Variants in NF1 observed in about 807,000 individuals in gnomAD.
NF1 encodes neurofibromin.
A neutral mutation model predicts 325.7 loss-of-function variants in NF1; 122 were observed. The ratio of observed to expected loss-of-function variants is 0.37; its 90% CI spans 0.32 to 0.44. The LOEUF (loss-of-function observed/expected upper bound fraction) is 0.44, where lower values mean the gene tolerates loss of function less well. NF1 is among the 20% of genes least tolerant of loss of function. The pLI, the probability that NF1 is intolerant of heterozygous loss-of-function variation, is 1.00. For synonymous variants in NF1, 1,091 were observed against 1,186.0 expected, an observed-to-expected ratio of 0.92 and a Z score of 1.65; for missense variants, 2,140 against 3,415.4, an observed-to-expected ratio of 0.63 and a Z score of 9.31.
At chr17:31,263,075 A>ATAGGTAGGTAGG (rs869183381) in intron 35 of NF1, among the ~76,000 whole-genome samples, 1 of 140,560 alleles carries the variant, frequency 7.1e-6, no homozygotes, top group African/African-American at 2.8e-5. Flanking sequence ...AGGTAGATAG[A>ATAGGTAGGTAGG]TAGGTAGGTA....
At chr17:31,095,963 A>T (rs1911665738) in intron 1 of NF1, among the ~76,000 whole-genome samples, 1 of 152,068 alleles carries the variant, frequency 6.6e-6, no homozygotes, top group Non-Finnish European at 1.5e-5. Flanking sequence ...CCATCGTCTC[A>T]TCCTGCCCCG....
At chr17:31,197,829 A>G (rs1272565572) in intron 8 of NF1, among the ~76,000 whole-genome samples, 2 of 152,190 alleles carry the variant, frequency 1.3e-5, no homozygotes, top group African/African-American at 4.8e-5. Flanking sequence ...CGGAATTTCT[A>G]GTATTATGCC....
In NF1 at chr17:31,376,540, A is replaced by G; in HGVS notation, c.*2385A>G. The G allele has an allele frequency of 4.3e-6, 1 of 232,864 alleles. No homozygotes were observed. Among genetic ancestry groups the G allele is most frequent in the East Asian group, 6.1e-5 (1 of 16,508 alleles). The allele number at this position is 232,864 out of a possible 1,614,324, so 14.4% of individuals were successfully genotyped here. A position where few individuals can be genotyped will look rare whatever the true frequency, so the allele number is the denominator to read the frequency against. On this transcript the variant is annotated 3_prime_UTR_variant, in exon 58 of 58. Transcript: ENST00000358273. ...AACTTCTGACTTTTGAGGAAAATCT[A>G]GCTTTCCAAGTAACTAAAATGTACA...
At chr17:31,124,236 A>ATT (rs949319481) in intron 1 of NF1, among the ~76,000 whole-genome samples, 1 of 150,198 alleles carries the variant, frequency 6.7e-6, no homozygotes, top group Non-Finnish European at 1.5e-5. Context: ...TTTATTTTTA[A>ATT]TTTTTTTTTG....
In NF1 at chr17:31,242,305, C is replaced by CTTTTTTTTTTTTT. The variant is rs200376987; in HGVS notation, c.3974+6299_3974+6311dup. Among the ~76,000 whole-genome samples the CTTTTTTTTTTTTT allele has an allele frequency of 5.8e-5, 4 of 68,850 alleles. 1 individual carries two copies. Among genetic ancestry groups the CTTTTTTTTTTTTT allele is most frequent in the African/African-American group, 2.5e-4 (4 of 15,986 alleles). The allele number at this position is 68,850 out of a possible 152,430, so 45.2% of individuals were successfully genotyped here. A position where few individuals can be genotyped will look rare whatever the true frequency, so the allele number is the denominator to read the frequency against. On this transcript the variant is annotated intron_variant, in intron 29 of 57. Coordinates refer to ENST00000358273, the MANE Select transcript of NF1 (RefSeq NM_001042492.3). ...TCTTTCCCTAGGTTTCATAAGTTCT[C>CTTTTTTTTTTTTT]TTTTTTTTTTTTTTTTTTTTTTTTT...
intron 8 of NF1, among the ~76,000 whole-genome samples, chr17:31,192,775 C>G (rs780888042): frequency 3.3e-5 from 5 of 152,076 alleles, no homozygotes; most frequent in Non-Finnish European, 7.4e-5. Flanking sequence ...TTCCTTGTCT[C>G]ATAATGTTAT....
At chr17:31,337,064 A>G (rs2069695757) in intron 42 of NF1, 150 bp downstream of exon 42, 1 of 822,434 alleles carries the variant, frequency 1.2e-6, no homozygotes, top group African/African-American at 1.7e-5. Context: ...TACCAAAAAG[A>G]AAATAAATTA....
At chr17:31,341,480 G>A (rs2069818717) in intron 47 of NF1, among the ~76,000 whole-genome samples, 1 of 151,944 alleles carries the variant, frequency 6.6e-6, no homozygotes, top group African/African-American at 2.4e-5. Context: ...CTGAGATCAC[G>A]CCACTGCACT....
intron 12 of NF1, among the ~76,000 whole-genome samples, chr17:31,208,575 GC>G (rs1294207666): frequency 3.3e-5 from 5 of 151,952 alleles, no homozygotes; most frequent in South Asian, 2.1e-4. Flanking sequence ...AAGGTTTATA[GC>G]TTTTGCTTGA....
chr17:31,182,076 A>G (rs1329870385), intron 7 of NF1, among the ~76,000 whole-genome samples: 1 of 152,138 alleles, frequency 6.6e-6, no homozygotes, highest in Non-Finnish European at 1.5e-5. Context: ...TGTGCTCTGA[A>G]GCTTTATTTT....
chr17:31,108,200 A>G (rs1005543748), intron 1 of NF1, among the ~76,000 whole-genome samples: 1 of 150,864 alleles, frequency 6.6e-6, no homozygotes, highest in East Asian at 1.9e-4. Flanking sequence ...AGTACAGTAT[A>G]CCTATCAAAA....
intron 29 of NF1, among the ~76,000 whole-genome samples, chr17:31,237,193 C>G (rs1279664262): frequency 6.6e-6 from 1 of 152,192 alleles, no homozygotes; most frequent in African/African-American, 2.4e-5. Flanking sequence ...GAAGTATCAA[C>G]TGTAATATCT....
rs547644856 is a variant in NF1 at position 31,264,880 on chromosome 17, G to C, written c.4725-349G>C. 2.0e-5 allele frequency among the ~76,000 whole-genome samples: 3 copies of C among 152,140 alleles called. No homozygotes were observed. In the East Asian group the frequency reaches 5.8e-4, roughly 29 times the overall value. On this transcript the variant is annotated intron_variant, in intron 35 of 57. Transcript: ENST00000358273. Reference sequence around the variant, plus strand: ...AAATCAAAAAAAATGAGCAAAGCAAGGCCTTTTTCATCCATTCAAAATCCA... The same window carrying C: ...AAATCAAAAAAAATGAGCAAAGCAACGCCTTTTTCATCCATTCAAAATCCA...
At chr17:31,101,665 T>C (rs998105694) in intron 1 of NF1, among the ~76,000 whole-genome samples, 2 of 152,186 alleles carry the variant, frequency 1.3e-5, no homozygotes, top group African/African-American at 4.8e-5. Flanking sequence ...AATTCCTCCT[T>C]TGTGCTTTTC....
intron 36 of NF1, chr17:31,273,653 T>G (rs1297973485): frequency 6.6e-6 from 1 of 152,242 alleles, no homozygotes; most frequent in Non-Finnish European, 1.5e-5. Flanking sequence ...TCTCACTCAC[T>G]GCATGCTATT....
At position 31,375,835 on chromosome 17, in the gene NF1, CAAG is replaced by C. The variant is rs909909591; in HGVS notation, c.*1683_*1685del. On this transcript the variant is annotated 3_prime_UTR_variant, in exon 58 of 58. Coordinates refer to ENST00000358273, the MANE Select transcript of NF1 (RefSeq NM_001042492.3). ...AATTGGTTTTGATACTCAGAAATAA[CAAG>C]AATTTAATTTTTTAAATTTGTTTAC... The C allele has an allele frequency of 3.9e-5, 9 of 232,130 alleles. No individual in the cohort carries two copies. Among genetic ancestry groups the C allele is most frequent in the African/African-American group, 2.0e-4 (9 of 45,252 alleles). 14.4% of individuals were successfully genotyped at this position (232,130 alleles called of 1,614,324 possible).
In NF1 at chr17:31,226,606, G is replaced by A. The variant is rs1286693766; in HGVS notation, c.2173G>A (p.Glu725Lys). ...AGCAGATATCCGGTGTGGGGTGGAT[G>A]AAGTGTCAGTGCATAACCTCTTGCC... ...EEADIRCGVD[E>K]VSVHNLLPNY... The change falls in exon 18 of 58, where the codon GAA becomes AAA. Residue 725 changes from glutamate (E) to lysine (K), a missense_variant. Coordinates refer to ENST00000358273, the MANE Select transcript of NF1 (RefSeq NM_001042492.3). The A allele has an allele frequency of 6.2e-7, 1 of 1,613,900 alleles. No homozygotes were observed. The highest frequency in any genetic ancestry group is 8.5e-7 in the Non-Finnish European group (1 of 1,179,816).
At chr17:31,177,506 A>G (rs2066045260) in intron 5 of NF1, among the ~76,000 whole-genome samples, 1 of 152,152 alleles carries the variant, frequency 6.6e-6, no homozygotes, top group African/African-American at 2.4e-5. Context: ...ACGAAACTGG[A>G]CAAAGAATGA....
At chr17:31,245,705 C>T (rs1324082174) in intron 29 of NF1, among the ~76,000 whole-genome samples, 1 of 152,206 alleles carries the variant, frequency 6.6e-6, no homozygotes, top group Non-Finnish European at 1.5e-5. Flanking sequence ...TCCATGCTGT[C>T]TCCAGGTGCA....
Sources: allele counts gnomAD v4.1 joint callset (sites outside exome capture counted in the v4.1 genomes callset), GRCh38; gene constraint gnomAD v4.1.1; transcripts MANE v1.5; gene names NCBI Gene and HGNC (gene_info 2026-07-23, HGNC 2026-07-21).